The following SYTL2 variants were observed in gnomAD, a reference collection of about 807,000 sequenced individuals.
SYTL2 encodes synaptotagmin like 2.
In SYTL2, 165 loss-of-function variants were observed where a neutral mutation model predicts 198.7. The observed-to-expected ratio is 0.83, with a 90% confidence interval of 0.73 to 0.94. SYTL2 has a LOEUF of 0.94. SYTL2 is among the 40% of genes least tolerant of loss of function. The probability of loss-of-function intolerance (pLI) is 0.00; values close to 1 mark genes in which losing one functional copy is unlikely to be tolerated. For missense variants in SYTL2, 2,835 were observed against 2,582.8 expected (o/e 1.10, Z -2.12); for synonymous variants, 966 against 917.7 (o/e 1.05, Z -0.95).
In SYTL2 at chr11:85,725,639, T is replaced by C. The variant is rs1349992822; in HGVS notation, c.3719A>G (p.Asn1240Ser). 1.9e-6 allele frequency: 3 copies of C among 1,614,106 alleles called. No homozygotes were observed. Among genetic ancestry groups the C allele is most frequent in the Non-Finnish European group, 2.5e-6 (3 of 1,180,024 alleles). ...AKLAPVITGTNSKLEEGRFFG... is the reference protein window; with the variant it reads ...AKLAPVITGTSSKLEEGRFFG... The stretch of plus-strand genomic sequence containing the variant: ...AAATCTCCCCTCTTCCAGCTTAGAG[T>C]TGGTTCCAGTGATAACAGGCGCCAA... Residue 1240 changes from asparagine (N) to serine (S), a missense_variant, in exon 8 of 20, where the codon AAC becomes AGC. This residue lies in a region of SYTL2 where 2,645 missense variants were observed against 2,381.7 expected (regional missense o/e 1.11). Transcript: ENST00000359152.
intron 3 of SYTL2, among the ~76,000 whole-genome samples, chr11:85,747,434 T>C (rs189038024): frequency 6.6e-6 from 1 of 152,218 alleles, no homozygotes; most frequent in East Asian, 1.9e-4. Flanking sequence ...ATGGGCATTG[T>C]CATGATAGTA....
chr11:85,850,466 C>T, the SYTL2 span, among the ~76,000 whole-genome samples: 1,859 of 151,702 alleles, frequency 0.012, 18 homozygotes, highest in Middle Eastern at 0.031. Flanking sequence ...CAAATCAAAA[C>T]CACTATGAGA....
In SYTL2 at chr11:85,757,618, C is replaced by CT; in HGVS notation, c.101+6dup. ...CCCTCATGCCCAAGGCTTCTCTGGC[C>CT]TCTTACCTGACTCTCTCTTCTTCGG... On this transcript the variant is annotated splice_region_variant and intron_variant, in intron 2 of 19. Coordinates refer to ENST00000359152, the MANE Select transcript of SYTL2 (RefSeq NM_206927.4). 6.2e-7 allele frequency: 1 copy of CT among 1,613,534 alleles called. No individual in the cohort carries two copies. The highest frequency in any genetic ancestry group is 8.5e-7 in the Non-Finnish European group (1 of 1,179,758).
chr11:85,823,218 A>G, the SYTL2 span, among the ~76,000 whole-genome samples: 2 of 152,284 alleles, frequency 1.3e-5, no homozygotes, highest in African/African-American at 2.4e-5. Context: ...TTTCTGACAC[A>G]TAGTAGGCAC....
At chr11:85,851,878 C>A in the SYTL2 span, among the ~76,000 whole-genome samples, 31 of 152,276 alleles carry the variant, frequency 2.0e-4, no homozygotes, top group African/African-American at 7.0e-4. Context: ...TAATTTTATC[C>A]TATAATCCCA....
At position 85,726,154 on chromosome 11, in the gene SYTL2, T is replaced by C. The variant is rs369096723; in HGVS notation, c.3204A>G (p.Thr1068=). ...GILQVLPDEI[T]FPLSPLRKYT... ...ACTTTCTAAGTGGACTCAAAGGAAA[T>C]GTGATTTCATCTGGTAGCACCTGGA... is the stretch of plus-strand genomic sequence containing the variant. Residue 1068 remains threonine, a synonymous_variant, in exon 8 of 20, where the codon ACA becomes ACG. Transcript: ENST00000359152. The C allele has an allele frequency of 8.7e-6, 14 of 1,613,974 alleles. No homozygotes were observed. The African/African-American group carries it at 1.7e-4, about 20-fold the overall frequency.
chr11:85,815,430 A>C (rs938699803), upstream of SYTL2, among the ~76,000 whole-genome samples: 1 of 152,242 alleles, frequency 6.6e-6, no homozygotes, highest in Non-Finnish European at 1.5e-5. Context: ...TTGGTTTTTT[A>C]AATAATTTGT....
At chr11:85,831,434 A>G in the SYTL2 span, among the ~76,000 whole-genome samples, 3 of 152,332 alleles carry the variant, frequency 2.0e-5, no homozygotes, top group East Asian at 3.9e-4. Flanking sequence ...AGAAAAACCC[A>G]TCTGAAAAAC....
At chr11:85,705,436 G>A (rs1041562243) in intron 15 of SYTL2, among the ~76,000 whole-genome samples, 3 of 152,090 alleles carry the variant, frequency 2.0e-5, no homozygotes, top group Non-Finnish European at 4.4e-5. Flanking sequence ...TCTTTTTAGA[G>A]CAGTTTTCGG....
Position 85,727,645 on chromosome 11 carries a change from A to AT in SYTL2, c.1712dup (p.Asn571LysfsTer12). The AT allele has an allele frequency of 6.5e-7, 1 of 1,536,542 alleles. No homozygotes were observed. The highest frequency in any genetic ancestry group is 8.7e-7 in the Non-Finnish European group (1 of 1,146,798). ...TGCTGGGTGATAGGGTCTTTGAGCCATTTTCTCTTAAAGTAGTGTCATCTG... is the reference window on the plus strand; with the variant it reads ...TGCTGGGTGATAGGGTCTTTGAGCCATTTTTCTCTTAAAGTAGTGTCATCTG... On this transcript the variant is annotated frameshift_variant, in exon 8 of 20. Coordinates refer to ENST00000359152, the MANE Select transcript of SYTL2 (RefSeq NM_206927.4). LOFTEE classifies it high-confidence loss of function.
chr11:85,783,644 C>T (rs2092596066), intron 1 of SYTL2, among the ~76,000 whole-genome samples: 1 of 152,168 alleles, frequency 6.6e-6, no homozygotes, highest in South Asian at 2.1e-4. Context: ...TCATTAATTT[C>T]TCACAGCAAC....
the SYTL2 span, among the ~76,000 whole-genome samples, chr11:85,821,832 T>C: frequency 3.9e-5 from 6 of 152,236 alleles, no homozygotes; most frequent in East Asian, 9.7e-4. Flanking sequence ...TGAGCCAACA[T>C]CCAACCACTC....
chr11:85,843,531 G>A, the SYTL2 span, among the ~76,000 whole-genome samples: 6 of 152,114 alleles, frequency 3.9e-5, no homozygotes, highest in African/African-American at 7.2e-5. Flanking sequence ...GGCATGGTGC[G>A]ACTGTGAGCC....
intron 6 of SYTL2, among the ~76,000 whole-genome samples, chr11:85,735,987 T>C (rs567553395): frequency 6.6e-6 from 1 of 152,356 alleles, no homozygotes; most frequent in Admixed American, 6.5e-5. Flanking sequence ...ATGTTTAGCA[T>C]TTCCTCTTAA....
At chr11:85,832,438 G>A in the SYTL2 span, among the ~76,000 whole-genome samples, 41 of 152,142 alleles carry the variant, frequency 2.7e-4, no homozygotes, top group Non-Finnish European at 5.3e-4. Flanking sequence ...CAGGCCCTAC[G>A]TTAGATGTTA....
At chr11:85,718,084 C>T (rs1218623310) in intron 10 of SYTL2, among the ~76,000 whole-genome samples, 1 of 152,088 alleles carries the variant, frequency 6.6e-6, no homozygotes, top group African/African-American at 2.4e-5. Flanking sequence ...ATAGTGAAGG[C>T]AAATTTAACA....
the SYTL2 span, among the ~76,000 whole-genome samples, chr11:85,837,788 G>C: frequency 0.022 from 3,390 of 152,226 alleles, 64 homozygotes; most frequent in Middle Eastern, 0.075. Flanking sequence ...TGAAGAATAG[G>C]TGAATAATGA....
chr11:85,782,603 G>A (rs907670555), intron 1 of SYTL2, among the ~76,000 whole-genome samples: 5 of 152,104 alleles, frequency 3.3e-5, no homozygotes, highest in East Asian at 1.9e-4. Context: ...TTTTTTAAAC[G>A]TAAGTTCCAA....
chr11:85,819,478 T>C, the SYTL2 span, among the ~76,000 whole-genome samples: 1 of 152,200 alleles, frequency 6.6e-6, no homozygotes, highest in Admixed American at 6.5e-5. Flanking sequence ...CAAGATGGTC[T>C]CTCCTTCTCC....
Sources: gnomAD v4.1 joint callset for allele counts (sites outside exome capture counted in the v4.1 genomes callset) on GRCh38, gnomAD v4.1.1 for gene constraint, gnomAD v4.1.1 regional missense constraint, MANE v1.5 for transcripts, NCBI Gene and HGNC (gene_info 2026-07-23, HGNC 2026-07-21) for gene names.